The following ATF7IP variants were observed in gnomAD, a reference collection of about 807,000 sequenced individuals.
ATF7IP encodes activating transcription factor 7 interacting protein, also known as activating transcription factor 7-interacting protein 1.
In ATF7IP, 23 loss-of-function variants were observed where a neutral mutation model predicts 106.4. The ratio of observed to expected loss-of-function variants is 0.22; its 90% confidence interval spans 0.16 to 0.31. The LOEUF (loss-of-function observed/expected upper bound fraction) is 0.31, where lower values mean the gene tolerates loss of function less well. ATF7IP is among the 10% of genes least tolerant of loss of function. The pLI is 1.00. For synonymous variants in ATF7IP, 542 were observed against 539.0 expected (o/e 1.01, Z -0.08); for missense variants, 1,334 against 1,524.3 (o/e 0.88, Z 2.08).
chr12:14,497,083 A>G (rs777499843), intron 14 of ATF7IP, among the ~76,000 whole-genome samples: 10 of 152,200 alleles, frequency 6.6e-5, no homozygotes, highest in Non-Finnish European at 1.5e-4. Context: ...TTTGGCTGAA[A>G]GGTACATGAT....
chr12:14,367,186 C>G (rs763410655), intron 1 of ATF7IP: 31 of 152,036 alleles, frequency 2.0e-4, no homozygotes, highest in African/African-American at 2.9e-4. Flanking sequence ...TTGAATCAGT[C>G]TACTGTCAAA....
In ATF7IP at chr12:14,460,608, A is replaced by G. The variant is rs142279964; in HGVS notation, c.2272A>G (p.Thr758Ala). 266 of 1,614,148 alleles carry G rather than the reference A, an allele frequency of 1.6e-4. No individual in the cohort carries two copies. In the African/African-American group the frequency reaches 3.2e-3, roughly 19 times the overall value. Residue 758 changes from threonine (T) to alanine (A), a missense_variant, in exon 9 of 15, where the codon ACA becomes GCA. Coordinates refer to ENST00000261168, the MANE Select transcript of ATF7IP (RefSeq NM_018179.5). Reference protein sequence around the residue: ...TATSVLPAPNTATVVATTQVP... With the variant: ...TATSVLPAPNAATVVATTQVP... ...AACGTCAGTTCTTCCTGCACCCAATACAGCTACTGTAGTTGCTACTACTCA... is the reference window on the plus strand; with the variant it reads ...AACGTCAGTTCTTCCTGCACCCAATGCAGCTACTGTAGTTGCTACTACTCA...
At chr12:14,394,622 T>G (rs1176081869) in intron 1 of ATF7IP, among the ~76,000 whole-genome samples, 1 of 152,166 alleles carries the variant, frequency 6.6e-6, no homozygotes, top group Non-Finnish European at 1.5e-5. Flanking sequence ...CTGGCTGTGC[T>G]AGGGTAGCAA....
intron 8 of ATF7IP, 118 bp downstream of exon 8, chr12:14,457,413 T>A (rs1943470164): frequency 8.2e-6 from 6 of 735,738 alleles, no homozygotes; most frequent in East Asian, 2.8e-5. Flanking sequence ...TTGGTCTAAG[T>A]ACAAAAATTT....
At chr12:14,421,764 C>A (rs1268831224) in intron 1 of ATF7IP, among the ~76,000 whole-genome samples, 1 of 152,204 alleles carries the variant, frequency 6.6e-6, no homozygotes, top group South Asian at 2.1e-4. Context: ...ACCAGACATT[C>A]AGTTTAGGCA....
intron 1 of ATF7IP, among the ~76,000 whole-genome samples, chr12:14,402,565 A>G (rs1940303399): frequency 1.3e-5 from 2 of 150,110 alleles, no homozygotes; most frequent in South Asian, 4.2e-4. Flanking sequence ...CAGTTCTAAT[A>G]TGTCATGTAA....
chr12:14,457,209 A>T lies in ATF7IP; in HGVS notation c.2072A>T (p.Asn691Ile). The T allele has an allele frequency of 6.2e-7, 1 of 1,612,358 alleles. No homozygotes were observed. Among genetic ancestry groups the T allele is most frequent in the South Asian group, 1.1e-5 (1 of 90,844 alleles). Residue 691 changes from asparagine to isoleucine, a missense_variant and splice_region_variant, in exon 8 of 15, where the codon AAT becomes ATT. Physicochemically the swap from Asn to Ile is moderately radical, Grantham distance 149. Coordinates refer to ENST00000261168, the MANE Select transcript of ATF7IP (RefSeq NM_018179.5). The stretch of plus-strand genomic sequence containing the variant: ...TGGTGTGTATATGTATTTCATAGAA[A>T]TGCAGGCACAGTGAGACAGATGCTG... ...VNSNNNMSYR[N>I]AGTVRQMLES...
intron 1 of ATF7IP, among the ~76,000 whole-genome samples, chr12:14,400,492 T>C (rs1241333169): frequency 6.6e-6 from 1 of 152,164 alleles, no homozygotes; most frequent in Non-Finnish European, 1.5e-5. Context: ...TTTAAAAAGG[T>C]ATGTCTGGTC....
intron 2 of ATF7IP, among the ~76,000 whole-genome samples, chr12:14,433,509 C>T (rs1167550809): frequency 6.6e-6 from 1 of 151,356 alleles, no homozygotes; most frequent in Non-Finnish European, 1.5e-5. Flanking sequence ...ATCTCAAAAA[C>T]AAACAAACAA....
chr12:14,477,205 T>G (rs1181450831), intron 11 of ATF7IP, among the ~76,000 whole-genome samples: 1 of 152,196 alleles, frequency 6.6e-6, no homozygotes, highest in Non-Finnish European at 1.5e-5. Context: ...AAAATAATAT[T>G]TTGGGGAATC....
At chr12:14,419,474 C>A (rs1017631437) in intron 1 of ATF7IP, 17 of 151,834 alleles carry the variant, frequency 1.1e-4, no homozygotes, top group African/African-American at 3.4e-4. Flanking sequence ...CTGAGAAATG[C>A]GGATATTATG....
rs781310915 is a variant in ATF7IP at position 14,460,590 on chromosome 12, G to A, written c.2254G>A (p.Val752Ile). ...VTSGSLTATS[V>I]LPAPNTATVV... ...TTCGGGTTCCCTCACAGCAACGTCA[G>A]TTCTTCCTGCACCCAATACAGCTAC... Residue 752 changes from valine (V) to isoleucine (I), a missense_variant, in exon 9 of 15, where the codon GTT becomes ATT. By Grantham distance (29) the Val-to-Ile change is conservative (BLOSUM62 3). Coordinates refer to ENST00000261168, the MANE Select transcript of ATF7IP (RefSeq NM_018179.5). 6.2e-7 allele frequency: 1 copy of A among 1,614,152 alleles called. No individual in the cohort carries two copies. The highest frequency in any genetic ancestry group is 8.5e-7 in the Non-Finnish European group (1 of 1,180,032).
intron 3 of ATF7IP, among the ~76,000 whole-genome samples, chr12:14,435,892 T>C (rs1002625991): frequency 6.6e-6 from 1 of 152,234 alleles, no homozygotes; most frequent in Non-Finnish European, 1.5e-5. Context: ...TGTGCATTGC[T>C]TGACCATTAG....
intron 6 of ATF7IP, among the ~76,000 whole-genome samples, chr12:14,448,558 G>A (rs1010578336): frequency 6.6e-6 from 1 of 152,102 alleles, no homozygotes; most frequent in African/African-American, 2.4e-5. Context: ...TACATCTGTT[G>A]ATGGACACTT....
chr12:14,408,781 C>T (rs1489432301), intron 1 of ATF7IP, among the ~76,000 whole-genome samples: 1 of 152,112 alleles, frequency 6.6e-6, no homozygotes, highest in East Asian at 1.9e-4. Context: ...AACATGCCAG[C>T]ATGCTAGTTT....
intron 1 of ATF7IP, among the ~76,000 whole-genome samples, chr12:14,423,247 A>T (rs1380525255): frequency 6.6e-6 from 1 of 152,060 alleles, no homozygotes; most frequent in Non-Finnish European, 1.5e-5. Context: ...GAATTATAGC[A>T]GTTCTTAGAT....
intron 10 of ATF7IP, among the ~76,000 whole-genome samples, chr12:14,466,978 C>T (rs1030762759): frequency 1.3e-5 from 2 of 152,066 alleles, no homozygotes; most frequent in African/African-American, 2.4e-5. Flanking sequence ...CCACACTCTA[C>T]CCCTACCACC....
chr12:14,385,878 T>A (rs879557357), intron 1 of ATF7IP, among the ~76,000 whole-genome samples: 63 of 152,132 alleles, frequency 4.1e-4, no homozygotes, highest in Non-Finnish European at 6.8e-4. Context: ...TGAAAAAAAA[T>A]TTTTAATACT....
intron 12 of ATF7IP, among the ~76,000 whole-genome samples, chr12:14,480,122 T>C (rs34011284): frequency 0.02 from 3,076 of 152,262 alleles, 33 homozygotes; most frequent in Middle Eastern, 0.034. Context: ...AACCGTTTTA[T>C]CTTTGTTATA....
Sources: allele counts gnomAD v4.1 joint callset (sites outside exome capture counted in the v4.1 genomes callset), GRCh38; gene constraint gnomAD v4.1.1; transcripts MANE v1.5; gene names NCBI Gene and HGNC (gene_info 2026-07-23, HGNC 2026-07-21).